GRIN3A: variants seen among roughly 807,000 people sequenced by gnomAD.
The protein encoded by GRIN3A is glutamate receptor ionotropic, NMDA 3A.
In GRIN3A, 47 loss-of-function variants were observed where a neutral mutation model predicts 92.4. The observed-to-expected ratio is 0.51, with a 90% CI of 0.40 to 0.65. The LOEUF (loss-of-function observed/expected upper bound fraction) is 0.65, where lower values mean the gene tolerates loss of function less well. Ranked by LOEUF, GRIN3A falls within the 30% of genes least tolerant of loss-of-function variation. The pLI, the probability that GRIN3A is intolerant of heterozygous loss-of-function variation, is 0.00. For missense variants in GRIN3A, 1,324 were observed against 1,393.1 expected (o/e 0.95, Z 0.79); for synonymous variants, 527 against 540.6 (o/e 0.97, Z 0.35).
chr9:101,698,959 C>T (rs577120694), intron 1 of GRIN3A, among the ~76,000 whole-genome samples: 10 of 152,200 alleles, frequency 6.6e-5, no homozygotes, highest in Admixed American at 5.2e-4. Flanking sequence ...TGAGCCACTG[C>T]GCCTGGCCTA....
intron 2 of GRIN3A, among the ~76,000 whole-genome samples, chr9:101,685,333 G>A (rs1344726131): frequency 2.3e-5 from 3 of 130,604 alleles, no homozygotes; most frequent in Non-Finnish European, 4.8e-5. Context: ...TTTTTGAGAC[G>A]GAGTCTCGCT....
chr9:101,656,080 T>C (rs1409039195), intron 3 of GRIN3A, among the ~76,000 whole-genome samples: 1 of 151,952 alleles, frequency 6.6e-6, no homozygotes, highest in Non-Finnish European at 1.5e-5. Context: ...TTAATAATGG[T>C]TCAACAAAGA....
At chr9:101,591,496 A>G (rs974553829) in intron 6 of GRIN3A, 1 of 152,212 alleles carries the variant, frequency 6.6e-6, no homozygotes, top group African/African-American at 2.4e-5. Flanking sequence ...TTTGGAGAAG[A>G]TGCTAGATCT....
Position 101,573,055 on chromosome 9 carries a change from A to T in GRIN3A, c.*119T>A. The T allele has an allele frequency of 1.1e-6, 1 of 877,116 alleles. No individual in the cohort carries two copies. Among genetic ancestry groups the T allele is most frequent in the Non-Finnish European group, 1.9e-6 (1 of 526,518 alleles). 54.3% of individuals were successfully genotyped at this position (877,116 alleles called of 1,614,324 possible). ...GCGAGGGAGAGCAGACTTGACCTTT[A>T]AGAAGACCTAGACCTCAGCTTCCCC... On this transcript the variant is annotated 3_prime_UTR_variant, in exon 9 of 9. Coordinates refer to ENST00000361820, the MANE Select transcript of GRIN3A (RefSeq NM_133445.3).
At chr9:101,624,619 T>C (rs1223492975) in intron 4 of GRIN3A, among the ~76,000 whole-genome samples, 1 of 152,172 alleles carries the variant, frequency 6.6e-6, no homozygotes, top group African/African-American at 2.4e-5. Flanking sequence ...TAATCCAGTC[T>C]ATCGTTGTTG....
chr9:101,716,791 C>G (rs1829953224), intron 1 of GRIN3A, among the ~76,000 whole-genome samples: 1 of 152,182 alleles, frequency 6.6e-6, no homozygotes, highest in Admixed American at 6.5e-5. Context: ...CCAGCACTAG[C>G]AGGCATGCAG....
At chr9:101,701,240 C>G (rs1832334) in intron 1 of GRIN3A, among the ~76,000 whole-genome samples, 142,573 of 152,234 alleles carry the variant, frequency 0.94, 67,040 homozygotes, top group Middle Eastern at 0.99. Flanking sequence ...AGGTTCAGGG[C>G]TACATGTGCA....
Position 101,628,408 on chromosome 9 carries a change from G to A in GRIN3A, c.2353-7C>T, listed in dbSNP as rs766476300. On this transcript the variant is annotated splice_polypyrimidine_tract_variant and splice_region_variant and intron_variant, in intron 3 of 8. Transcript: ENST00000361820. Reference sequence around the variant, plus strand: ...CTTGGGAAGGATGATGTAACTATGAGGGAGAAAAAGAAATGGCTTAAATAA... The same window carrying A: ...CTTGGGAAGGATGATGTAACTATGAAGGAGAAAAAGAAATGGCTTAAATAA... 3.5e-5 allele frequency: 57 copies of A among 1,612,346 alleles called. No individual in the cohort carries two copies. The African/African-American group carries it at 6.3e-4, about 18-fold the overall frequency.
intron 1 of GRIN3A, among the ~76,000 whole-genome samples, chr9:101,692,734 G>A (rs1217465962): frequency 6.6e-6 from 1 of 152,146 alleles, no homozygotes; most frequent in Admixed American, 6.5e-5. Flanking sequence ...CAGCCAAAGA[G>A]GCTGCAGGAG....
At chr9:101,630,962 A>C (rs1164962457) in intron 3 of GRIN3A, among the ~76,000 whole-genome samples, 2 of 152,140 alleles carry the variant, frequency 1.3e-5, no homozygotes, top group African/African-American at 2.4e-5. Context: ...TTATCCATTT[A>C]ACTTATATGC....
chr9:101,613,558 T>C, intron 5 of GRIN3A, 31 bp from the exon 6 acceptor site: 1 of 1,610,710 alleles, frequency 6.2e-7, no homozygotes, highest in Non-Finnish European at 8.5e-7. Flanking sequence ...AGATGAGTTT[T>C]TTACACCCTT....
At chr9:101,592,126 C>T (rs1394079743) in intron 6 of GRIN3A, 1 of 152,144 alleles carries the variant, frequency 6.6e-6, no homozygotes, top group Non-Finnish European at 1.5e-5. Context: ...TTTAAAAATT[C>T]TCCAGTTCTC....
chr9:101,606,163 C>A (rs1439034763), intron 6 of GRIN3A, among the ~76,000 whole-genome samples: 1 of 152,222 alleles, frequency 6.6e-6, no homozygotes, highest in Non-Finnish European at 1.5e-5. Flanking sequence ...CACTCTCAGA[C>A]AGTTGGGTTG....
chr9:101,667,100 A>G (rs1381574125), intron 3 of GRIN3A, among the ~76,000 whole-genome samples: 1 of 150,566 alleles, frequency 6.6e-6, no homozygotes, highest in Non-Finnish European at 1.5e-5. Context: ...ATCTCCTTCC[A>G]CTCCTGTAAC....
intron 6 of GRIN3A, among the ~76,000 whole-genome samples, chr9:101,584,552 G>C (rs1046388525): frequency 8.5e-5 from 13 of 152,212 alleles, no homozygotes; most frequent in African/African-American, 3.1e-4. Context: ...ATGTCTACAG[G>C]TGTCTAAGAG....
chr9:101,610,176 A>C (rs1263820859), intron 6 of GRIN3A, among the ~76,000 whole-genome samples: 3 of 152,206 alleles, frequency 2.0e-5, no homozygotes, highest in Non-Finnish European at 4.4e-5. Context: ...CATTTCTTTT[A>C]GGAAAAGACA....
intron 2 of GRIN3A, 59 bp from the exon 3 acceptor site, chr9:101,671,166 C>T: frequency 1.8e-6 from 2 of 1,131,760 alleles, no homozygotes; most frequent in Middle Eastern, 2.0e-4. Flanking sequence ...AGATAGGAAG[C>T]AGTGTTCAGC....
chr9:101,578,617 C>T (rs1827854680), intron 7 of GRIN3A, among the ~76,000 whole-genome samples: 1 of 152,208 alleles, frequency 6.6e-6, no homozygotes, highest in Non-Finnish European at 1.5e-5. Flanking sequence ...ATGCCAATTT[C>T]ATTCAGGGAG....
chr9:101,701,504 A>C (rs1829752504), intron 1 of GRIN3A, among the ~76,000 whole-genome samples: 1 of 152,106 alleles, frequency 6.6e-6, no homozygotes, highest in Admixed American at 6.6e-5. Context: ...CCTACCTTTC[A>C]CCATATACAA....
Sources: allele counts gnomAD v4.1 joint callset (sites outside exome capture counted in the v4.1 genomes callset), GRCh38; gene constraint gnomAD v4.1.1; transcripts MANE v1.5; gene names NCBI Gene and HGNC (gene_info 2026-07-23, HGNC 2026-07-21).